The following NTM variants were observed in gnomAD, a reference collection of about 807,000 sequenced individuals.
NTM encodes IgLON family member 2.
A neutral mutation model predicts 42.1 loss-of-function variants in NTM; 13 were observed. That is an observed-to-expected ratio of 0.31 (90% CI 0.20 to 0.49). The LOEUF is 0.49. Among genes scored for constraint, NTM ranks in the 20% least tolerant of loss-of-function variants. The probability of loss-of-function intolerance (pLI) is 0.99; values close to 1 mark genes in which losing one functional copy is unlikely to be tolerated. For missense variants in NTM, 373 were observed against 452.8 expected (o/e 0.82, Z 1.60); for synonymous variants, 187 against 179.2 (o/e 1.04, Z -0.35).
At position 131,627,143 on chromosome 11, in the gene NTM, G is replaced by C. The variant is rs145557385; in HGVS notation, c.82+256255G>C. ...ATAATCTCTAATTATCTTGTACCTC[G>C]AGTGCCCTGGCTCTCCCAGGTGTTT... On this transcript the variant is annotated intron_variant, in intron 1 of 8. Coordinates refer to ENST00000683400, the MANE Select transcript of NTM (RefSeq NM_001352005.2). Among the ~76,000 whole-genome samples the C allele has an allele frequency of 9.5e-4, 144 of 152,192 alleles. 1 individual carries two copies. Among genetic ancestry groups the C allele is most frequent in the African/African-American group, 3.3e-3 (138 of 41,534 alleles).
At chr11:132,330,310 C>A (rs539615945) in intron 8 of NTM, 125 bp downstream of exon 8, 3 of 1,035,702 alleles carry the variant, frequency 2.9e-6, no homozygotes, top group South Asian at 1.7e-5. Flanking sequence ...GAACCCTCCC[C>A]CAACCTTCAA....
chr11:131,445,676 T>C (rs1950002325), intron 1 of NTM, among the ~76,000 whole-genome samples: 1 of 152,216 alleles, frequency 6.6e-6, no homozygotes, highest in Non-Finnish European at 1.5e-5. Context: ...TGCTTGTTTT[T>C]CCAAATGATG....
rs549267045 is a variant in NTM at position 131,950,197 on chromosome 11, T to G, written c.167+38549T>G. Among the ~76,000 whole-genome samples the G allele has an allele frequency of 2.0e-5, 3 of 152,280 alleles. No individual in the cohort carries two copies. In the East Asian group the frequency reaches 5.8e-4, roughly 29 times the overall value. Reference sequence around the variant, plus strand: ...GCCCTAGAGGCCTCCTGTTTTTCATTTTTCCTTTGCCCTGCAATGTATGGC... The same window carrying G: ...GCCCTAGAGGCCTCCTGTTTTTCATGTTTCCTTTGCCCTGCAATGTATGGC... On this transcript the variant is annotated intron_variant, in intron 2 of 8. Transcript: ENST00000683400.
intron 7 of NTM, among the ~76,000 whole-genome samples, chr11:132,316,862 G>A (rs549878840): frequency 6.6e-6 from 1 of 152,306 alleles, no homozygotes; most frequent in South Asian, 2.1e-4. Flanking sequence ...TTGTTTGTTT[G>A]TTAGGGAATT....
chr11:131,791,059 A>C (rs2090859366), intron 1 of NTM, among the ~76,000 whole-genome samples: 1 of 152,222 alleles, frequency 6.6e-6, no homozygotes, highest in Non-Finnish European at 1.5e-5. Flanking sequence ...ATAAGTTCAA[A>C]GTGGTTTAGT....
chr11:132,228,109 T>C (rs971038238), intron 4 of NTM, among the ~76,000 whole-genome samples: 2 of 152,304 alleles, frequency 1.3e-5, no homozygotes, highest in South Asian at 2.1e-4. Context: ...GTCCCCTCCT[T>C]GTCCAGGAGA....
chr11:131,740,637 T>G (rs1217088643), intron 1 of NTM, among the ~76,000 whole-genome samples: 3 of 152,150 alleles, frequency 2.0e-5, no homozygotes, highest in Non-Finnish European at 4.4e-5. Flanking sequence ...CTGGGGTTTC[T>G]GTCCTTCTAA....
At chr11:131,847,478 C>A (rs983294322) in intron 1 of NTM, among the ~76,000 whole-genome samples, 1 of 152,126 alleles carries the variant, frequency 6.6e-6, no homozygotes, top group Admixed American at 6.5e-5. Context: ...GCTTTCGGGA[C>A]CTGTAGGCTG....
intron 1 of NTM, among the ~76,000 whole-genome samples, chr11:131,596,686 G>A (rs965729563): frequency 3.9e-5 from 6 of 152,240 alleles, no homozygotes; most frequent in Non-Finnish European, 7.3e-5. Flanking sequence ...TCTTCTACCC[G>A]TGTCCCTGTC....
intron 1 of NTM, among the ~76,000 whole-genome samples, chr11:131,455,275 T>C (rs11603690): frequency 0.046 from 7,068 of 152,224 alleles, 192 homozygotes; most frequent in African/African-American, 0.063. Flanking sequence ...GCAGGAGGTG[T>C]TACGAGTAGA....
chr11:132,301,593 T>C (rs2094860526), intron 4 of NTM, among the ~76,000 whole-genome samples: 1 of 152,158 alleles, frequency 6.6e-6, no homozygotes, highest in Non-Finnish European at 1.5e-5. Flanking sequence ...AAACCTTGAA[T>C]GTTCATCAGC....
chr11:131,881,700 C>T (rs779596440), intron 1 of NTM, among the ~76,000 whole-genome samples: 17 of 152,108 alleles, frequency 1.1e-4, no homozygotes, highest in Non-Finnish European at 2.4e-4. Flanking sequence ...ACCAAAAAGG[C>T]TATAGGGTTG....
At chr11:131,377,045 G>C (rs563843903) in intron 1 of NTM, among the ~76,000 whole-genome samples, 11 of 152,164 alleles carry the variant, frequency 7.2e-5, no homozygotes, top group African/African-American at 2.7e-4. Flanking sequence ...CAGCAGTACC[G>C]GAAGCAAGGG....
intron 2 of NTM, among the ~76,000 whole-genome samples, chr11:131,940,005 GTAGTTCTGCTC>G (rs1415744784): frequency 6.6e-6 from 1 of 152,188 alleles, no homozygotes; most frequent in Admixed American, 6.5e-5. Context: ...TCTTGTCTAA[GTAGTTCTGCTC>G]TAGAGGTTCA....
intron 2 of NTM, among the ~76,000 whole-genome samples, chr11:132,066,178 T>C (rs1333256459): frequency 6.6e-6 from 1 of 152,214 alleles, no homozygotes; most frequent in Non-Finnish European, 1.5e-5. Context: ...AATTTCATGT[T>C]CCTCCATTTG....
At chr11:131,467,547 G>T (rs1952011047) in intron 1 of NTM, among the ~76,000 whole-genome samples, 1 of 152,196 alleles carries the variant, frequency 6.6e-6, no homozygotes, top group Non-Finnish European at 1.5e-5. Flanking sequence ...ATTCTTCAAG[G>T]TAGAAACCTG....
At chr11:131,704,775 A>G (rs1266710212) in intron 1 of NTM, among the ~76,000 whole-genome samples, 2 of 152,244 alleles carry the variant, frequency 1.3e-5, no homozygotes, top group Non-Finnish European at 2.9e-5. Flanking sequence ...TTCAACAAAA[A>G]GAAACCATTT....
chr11:132,177,658 T>C (rs531915043), intron 3 of NTM, among the ~76,000 whole-genome samples: 1 of 152,310 alleles, frequency 6.6e-6, no homozygotes, highest in African/African-American at 2.4e-5. Context: ...AAGCCATAAC[T>C]GAGTTCAGTG....
chr11:132,176,679 G>A (rs1416444082), intron 3 of NTM, among the ~76,000 whole-genome samples: 2 of 145,264 alleles, frequency 1.4e-5, no homozygotes, highest in African/African-American at 2.5e-5. Flanking sequence ...GGTGAGGAAG[G>A]ATTTTAGCCT....
Sources: gnomAD v4.1 joint callset for allele counts (sites outside exome capture counted in the v4.1 genomes callset) on GRCh38, gnomAD v4.1.1 for gene constraint, MANE v1.5 for transcripts, NCBI Gene and HGNC (gene_info 2026-07-23, HGNC 2026-07-21) for gene names.